The following ADAMTS12 variants were observed in gnomAD, a reference collection of about 807,000 sequenced individuals.
ADAMTS12 encodes the protein A disintegrin and metalloproteinase with thrombospondin motifs 12.
ADAMTS12 carries 118 observed loss-of-function variants against 167.8 expected under a neutral mutation model. That is an observed-to-expected ratio of 0.70 (90% CI 0.61 to 0.82). ADAMTS12 has a LOEUF of 0.82. ADAMTS12 is among the 40% of genes least tolerant of loss of function. ADAMTS12 has a pLI of 0.00. For missense variants in ADAMTS12, 1,916 were observed against 1,998.8 expected, an observed-to-expected ratio of 0.96 and a Z score of 0.79; for synonymous variants, 704 against 716.9, an observed-to-expected ratio of 0.98 and a Z score of 0.29.
chr5:33,711,494 C>T (rs1743402543), intron 3 of ADAMTS12, among the ~76,000 whole-genome samples: 1 of 152,082 alleles, frequency 6.6e-6, no homozygotes, highest in Non-Finnish European at 1.5e-5. Context: ...GGTCTCACAC[C>T]CCAGGGGACA....
intron 2 of ADAMTS12, among the ~76,000 whole-genome samples, chr5:33,868,977 G>A (rs1749932175): frequency 6.6e-6 from 1 of 152,198 alleles, no homozygotes; most frequent in South Asian, 2.1e-4. Flanking sequence ...CTTTCTGAGG[G>A]AGGAATTCAA....
intron 22 of ADAMTS12, among the ~76,000 whole-genome samples, chr5:33,537,591 G>T (rs1198816436): frequency 4.6e-5 from 7 of 152,246 alleles, no homozygotes; most frequent in Admixed American, 3.9e-4. Context: ...CTCTTGGATA[G>T]TTGCTGAAAT....
intron 16 of ADAMTS12, chr5:33,603,800 CAAATGTGTAACAGTA>C (rs1272080561): frequency 6.6e-6 from 1 of 151,250 alleles, no homozygotes. Context: ...TACTTTGTTC[CAAATGTGTAACAGTA>C]ATATATCACA....
intron 2 of ADAMTS12, among the ~76,000 whole-genome samples, chr5:33,785,140 C>T (rs149993485): frequency 2.2e-4 from 33 of 152,078 alleles, no homozygotes; most frequent in African/African-American, 7.5e-4. Flanking sequence ...TGATGATGGA[C>T]ACCTTTCTCA....
At chr5:33,564,023 T>G (rs1427103386) in intron 19 of ADAMTS12, among the ~76,000 whole-genome samples, 1 of 152,244 alleles carries the variant, frequency 6.6e-6, no homozygotes, top group Non-Finnish European at 1.5e-5. Flanking sequence ...TTAGCTCAGC[T>G]TTTACATCAA....
intron 3 of ADAMTS12, among the ~76,000 whole-genome samples, chr5:33,719,600 C>A (rs1197607010): frequency 6.6e-6 from 1 of 152,212 alleles, no homozygotes; most frequent in Non-Finnish European, 1.5e-5. Context: ...TTTCACAGCA[C>A]CATCAGCACC....
At chr5:33,672,758 G>A (rs549070766) in intron 5 of ADAMTS12, among the ~76,000 whole-genome samples, 2 of 152,316 alleles carry the variant, frequency 1.3e-5, no homozygotes, top group East Asian at 3.9e-4. Flanking sequence ...TGTGGAGAAA[G>A]CAGAGTCATC....
intron 2 of ADAMTS12, among the ~76,000 whole-genome samples, chr5:33,768,829 G>A (rs896836632): frequency 2.0e-5 from 3 of 152,064 alleles, no homozygotes; most frequent in Admixed American, 1.3e-4. Context: ...ATAAGACAAG[G>A]TATGCTTGGT....
chr5:33,562,867 G>C (rs571505599), intron 19 of ADAMTS12, among the ~76,000 whole-genome samples: 6 of 151,970 alleles, frequency 3.9e-5, no homozygotes, highest in Non-Finnish European at 2.9e-5. Context: ...CCTGACCTCA[G>C]GTGATCTGCC....
At chr5:33,698,981 A>C (rs1446763694) in intron 3 of ADAMTS12, among the ~76,000 whole-genome samples, 1 of 152,116 alleles carries the variant, frequency 6.6e-6, no homozygotes, top group Non-Finnish European at 1.5e-5. Flanking sequence ...ACATGGTGAA[A>C]CCCCGTCTCA....
intron 2 of ADAMTS12, among the ~76,000 whole-genome samples, chr5:33,770,996 T>A (rs1745718373): frequency 6.6e-6 from 1 of 152,140 alleles, no homozygotes; most frequent in African/African-American, 2.4e-5. Context: ...TGGTCCTCAT[T>A]ACTTTTTAAA....
At chr5:33,626,731 G>C (rs998484642) in intron 13 of ADAMTS12, among the ~76,000 whole-genome samples, 2 of 150,058 alleles carry the variant, frequency 1.3e-5, no homozygotes, top group African/African-American at 4.9e-5. Flanking sequence ...GTGATTTGAT[G>C]GTAATGGTGG....
In ADAMTS12 at chr5:33,658,228, C is replaced by T. The variant is rs74737607; in HGVS notation, c.1146G>A (p.Ser382=). The change falls in exon 7 of 24, where the codon TCG becomes TCA. Residue 382 remains serine, a synonymous_variant. Transcript: ENST00000504830. ...CAATTGTGAAAGCCAGAGGGAGTCC[C>T]GAATCTTCATTGATGTTACAACTGC... ...PHRSCNINED[S]GLPLAFTIAH... The T allele has an allele frequency of 7.7e-4, 1,240 of 1,613,618 alleles. 6 individuals are homozygous for T. In the African/African-American group the frequency reaches 0.011, roughly 14 times the overall value.
At chr5:33,803,148 G>A (rs970651118) in intron 2 of ADAMTS12, among the ~76,000 whole-genome samples, 1 of 152,104 alleles carries the variant, frequency 6.6e-6, no homozygotes, top group Non-Finnish European at 1.5e-5. Context: ...GAAGATGAAG[G>A]CAGTGTGGGA....
At chr5:33,879,562 T>C (rs569812530) in intron 2 of ADAMTS12, among the ~76,000 whole-genome samples, 16 of 152,262 alleles carry the variant, frequency 1.1e-4, no homozygotes, top group Admixed American at 3.3e-4. Flanking sequence ...AAGCCCCTGA[T>C]GAGGCCCAGA....
intron 12 of ADAMTS12, among the ~76,000 whole-genome samples, chr5:33,637,053 G>GT: frequency 6.6e-6 from 1 of 152,260 alleles, no homozygotes; most frequent in East Asian, 1.9e-4. Context: ...CTTTCCGCCT[G>GT]TTATTCTACT....
rs1056041150 is a variant in ADAMTS12, at chr5:33,733,413, T to C, written c.634+17991A>G. On this transcript the variant is annotated intron_variant, in intron 3 of 23. Transcript: ENST00000504830. ...GAGCCTGAGCAAGTCAGTTGATCTA[T>C]GCCTCAGTTTTCTCATCTGTGAAAT... is the stretch of plus-strand genomic sequence containing the variant. Among the ~76,000 whole-genome samples the C allele has an allele frequency of 4.6e-5, 7 of 152,222 alleles. No individual in the cohort carries two copies. In the South Asian group the frequency reaches 6.2e-4, roughly 14 times the overall value.
chr5:33,792,857 A>C (rs1438579830), intron 2 of ADAMTS12, among the ~76,000 whole-genome samples: 1 of 152,246 alleles, frequency 6.6e-6, no homozygotes, highest in Non-Finnish European at 1.5e-5. Context: ...TCAGTGCACA[A>C]TCTGGACAAC....
intron 19 of ADAMTS12, among the ~76,000 whole-genome samples, chr5:33,568,638 T>A (rs1000420769): frequency 6.6e-6 from 1 of 152,162 alleles, no homozygotes; most frequent in African/African-American, 2.4e-5. Context: ...AAGGAAAAAA[T>A]AAGAGACTAT....
Sources: allele counts gnomAD v4.1 joint callset (sites outside exome capture counted in the v4.1 genomes callset), GRCh38; gene constraint gnomAD v4.1.1; transcripts MANE v1.5; gene names NCBI Gene and HGNC (gene_info 2026-07-23, HGNC 2026-07-21).